The following TMEM132C variants were observed in gnomAD, a reference collection of about 807,000 sequenced individuals.
The protein encoded by TMEM132C is transmembrane protein 132C.
TMEM132C carries 29 observed loss-of-function variants against 61.4 expected under a neutral mutation model. That is an observed-to-expected ratio of 0.47 (90% CI 0.35 to 0.64). The LOEUF (loss-of-function observed/expected upper bound fraction) is 0.64, where lower values mean the gene tolerates loss of function less well. TMEM132C is among the 30% of genes least tolerant of loss of function. TMEM132C has a pLI of 0.00. For missense variants in TMEM132C, 1,408 were observed against 1,476.9 expected, an observed-to-expected ratio of 0.95 and a Z score of 0.76; for synonymous variants, 656 against 633.1, an observed-to-expected ratio of 1.04 and a Z score of -0.54.
rs543013115 is a variant in TMEM132C, at chr12:128,373,541, G to C, written c.86-41191G>C. Reference sequence around the variant, plus strand: ...TAATGTTTGCCAAAGGAAAGGTGATGATTGGGACCAATTCCTCGTTGGTGG... The same window carrying C: ...TAATGTTTGCCAAAGGAAAGGTGATCATTGGGACCAATTCCTCGTTGGTGG... On this transcript the variant is annotated intron_variant, in intron 1 of 8. Coordinates refer to ENST00000435159, the MANE Select transcript of TMEM132C (RefSeq NM_001136103.3). Among the ~76,000 whole-genome samples the C allele has an allele frequency of 1.9e-3, 282 of 152,308 alleles. 4 individuals carry two copies. In the South Asian group the frequency reaches 0.029, roughly 16 times the overall value.
chr12:128,453,037 G>A (rs1214190638), intron 2 of TMEM132C, among the ~76,000 whole-genome samples: 2 of 152,214 alleles, frequency 1.3e-5, no homozygotes, highest in East Asian at 3.8e-4. Context: ...TCTTCCAGGG[G>A]GCTTCTAATA....
intron 4 of TMEM132C, among the ~76,000 whole-genome samples, chr12:128,617,053 A>G (rs964646838): frequency 8.5e-5 from 13 of 152,216 alleles, no homozygotes; most frequent in African/African-American, 2.9e-4. Flanking sequence ...TAAGTTTAAA[A>G]GTCTAGAAAA....
chr12:128,484,879 G>C (rs775357850), intron 2 of TMEM132C, among the ~76,000 whole-genome samples: 1 of 152,010 alleles, frequency 6.6e-6, no homozygotes, highest in Non-Finnish European at 1.5e-5. Context: ...GATCACTTGA[G>C]CCCAGGAGTT....
In TMEM132C at chr12:128,485,917, G is replaced by T. The variant is rs1054868557; in HGVS notation, c.975-58040G>T. On this transcript the variant is annotated intron_variant, in intron 2 of 8. Coordinates refer to ENST00000435159, the MANE Select transcript of TMEM132C (RefSeq NM_001136103.3). ...TGCATCCACTTTTCCTTTTGCGGCA[G>T]ATGTATGTCATGTTTACAGCACGTA... is the stretch of plus-strand genomic sequence containing the variant. Among the ~76,000 whole-genome samples the T allele has an allele frequency of 2.6e-5, 4 of 152,300 alleles. 1 individual carries two copies. The South Asian group carries it at 8.3e-4, about 32-fold the overall frequency.
At chr12:128,670,982 A>G (rs1233141056) in intron 5 of TMEM132C, among the ~76,000 whole-genome samples, 2 of 152,228 alleles carry the variant, frequency 1.3e-5, no homozygotes, top group African/African-American at 4.8e-5. Context: ...GGGCAAAAAA[A>G]TAAAAAACAA....
At chr12:128,282,074 A>G (rs1229370769) in intron 1 of TMEM132C, among the ~76,000 whole-genome samples, 6 of 152,252 alleles carry the variant, frequency 3.9e-5, no homozygotes, top group Admixed American at 2.0e-4. Context: ...AAGCTCAAAC[A>G]TTTAGAATAT....
rs781781783 is a variant in TMEM132C, at chr12:128,415,018, G to A, written c.372G>A (p.Lys124=). The change falls in exon 2 of 9, where the codon AAG becomes AAA. Residue 124 remains lysine (K), a synonymous_variant. Transcript: ENST00000435159. The surrounding 1 kb of genome is among the most constrained non-coding windows in gnomAD (Gnocchi z 5.8). ...CAAACTTTTTAGGTCCAACCAATAA[G>A]TTTAGTTTTGATTGGAAACTAAAAG... ...LTSNFLGPTN[K]FSFDWKLKAH... is the part of the protein sequence containing the mutation. 14 of 1,559,076 alleles carry A rather than the reference G, an allele frequency of 9.0e-6. No individual in the cohort carries two copies. The highest frequency in any genetic ancestry group is 1.2e-5 in the Non-Finnish European group (14 of 1,151,192).
At chr12:128,366,490 G>A (rs1024317777) in intron 1 of TMEM132C, among the ~76,000 whole-genome samples, 6 of 152,160 alleles carry the variant, frequency 3.9e-5, no homozygotes, top group Admixed American at 1.3e-4. Context: ...CCGGATCACA[G>A]AACTCTTTGA....
At chr12:128,591,089 G>A (rs144754757) in intron 3 of TMEM132C, among the ~76,000 whole-genome samples, 1 of 152,218 alleles carries the variant, frequency 6.6e-6, no homozygotes, top group East Asian at 1.9e-4. Context: ...ACGCTTTATT[G>A]TTTCTAATAT....
intron 4 of TMEM132C, among the ~76,000 whole-genome samples, chr12:128,658,248 G>A (rs2135618214): frequency 6.6e-6 from 1 of 152,218 alleles, no homozygotes; most frequent in Admixed American, 6.5e-5. Flanking sequence ...CTCCCATGGA[G>A]GCCACAAGGC....
intron 2 of TMEM132C, among the ~76,000 whole-genome samples, chr12:128,436,238 G>A (rs1215837619): frequency 6.6e-6 from 1 of 152,058 alleles, no homozygotes. Flanking sequence ...CATAGGCATG[G>A]GCAAGGACTT....
chr12:128,612,230 A>C (rs1270870676), intron 3 of TMEM132C, among the ~76,000 whole-genome samples: 1 of 152,018 alleles, frequency 6.6e-6, no homozygotes, highest in Non-Finnish European at 1.5e-5. Context: ...ACACAGAACT[A>C]TCTCTTCTTC....
chr12:128,419,244 G>A (rs76900061), intron 2 of TMEM132C, among the ~76,000 whole-genome samples: 3,765 of 152,304 alleles, frequency 0.025, 298 homozygotes, highest in Admixed American at 0.16. Context: ...TTTGGGCACC[G>A]TCTGCCTTAA....
chr12:128,705,718 C>T lies in TMEM132C; in HGVS notation c.2750C>T (p.Pro917Leu), dbSNP rs948229795. 19 of 1,551,308 alleles carry T rather than the reference C, an allele frequency of 1.2e-5. No homozygotes were observed. Among genetic ancestry groups the T allele is most frequent in the Middle Eastern group, 1.7e-4 (1 of 6,014 alleles). The change falls in exon 9 of 9, where the codon CCG becomes CTG. Residue 917 changes from proline to leucine, a missense_variant. Transcript: ENST00000435159. ...GLEENDLVQTPRGLSDLEIGM... is the reference protein window; with the variant it reads ...GLEENDLVQTLRGLSDLEIGM... ...GAGGAAAACGACCTGGTGCAGACTCCGCGGGGCCTGAGTGATCTGGAGATA... is the reference window on the plus strand; with the variant it reads ...GAGGAAAACGACCTGGTGCAGACTCTGCGGGGCCTGAGTGATCTGGAGATA...
intron 1 of TMEM132C, among the ~76,000 whole-genome samples, chr12:128,304,637 GAAAA>G (rs113972082): frequency 6.8e-6 from 1 of 147,634 alleles, no homozygotes; most frequent in East Asian, 2.0e-4. Flanking sequence ...AAGAAAGAAA[GAAAA>G]AAAAGAAAGA....
chr12:128,272,330 A>T (rs1467854947), intron 1 of TMEM132C, among the ~76,000 whole-genome samples: 2 of 152,232 alleles, frequency 1.3e-5, no homozygotes, highest in Admixed American at 6.5e-5. Flanking sequence ...GATGCATTTG[A>T]TAGTCACCTA....
At chr12:128,550,129 C>G (rs1874116627) in intron 3 of TMEM132C, among the ~76,000 whole-genome samples, 1 of 152,140 alleles carries the variant, frequency 6.6e-6, no homozygotes, top group African/African-American at 2.4e-5. Context: ...GCTTAAAACA[C>G]AGAAATTTAT....
chr12:128,315,793 C>G (rs10773525), intron 1 of TMEM132C, among the ~76,000 whole-genome samples: 129,989 of 151,698 alleles, frequency 0.86, 56,023 homozygotes, highest in South Asian at 0.93. Context: ...GTGCAGACCC[C>G]AAGAGAGACA....
At chr12:128,583,749 C>A (rs79607794) in intron 3 of TMEM132C, among the ~76,000 whole-genome samples, 1 of 152,232 alleles carries the variant, frequency 6.6e-6, no homozygotes, top group Admixed American at 6.5e-5. Flanking sequence ...AGCCGCCCCC[C>A]GCCCCACCCC....
Sources: gnomAD v4.1 joint callset for allele counts (sites outside exome capture counted in the v4.1 genomes callset) on GRCh38, gnomAD v4.1.1 for gene constraint, Gnocchi (gnomAD v3.1) non-coding constraint, MANE v1.5 for transcripts, NCBI Gene and HGNC (gene_info 2026-07-23, HGNC 2026-07-21) for gene names.